NFASC: variants seen among roughly 807,000 people sequenced by gnomAD.
NFASC encodes neurofascin homolog.
In NFASC, 43 loss-of-function variants were observed where a neutral mutation model predicts 147.5. The observed-to-expected ratio is 0.29, with a 90% CI of 0.23 to 0.38. The LOEUF is 0.38. Ranked by LOEUF, NFASC falls within the 10% of genes least tolerant of loss-of-function variation. NFASC has a pLI of 1.00. For synonymous variants in NFASC, 622 were observed against 665.5 expected, an observed-to-expected ratio of 0.93 and a Z score of 1.01; for missense variants, 1,320 against 1,689.0, an observed-to-expected ratio of 0.78 and a Z score of 3.83.
At chr1:204,877,516 G>C (rs529432877) in intron 1 of NFASC, among the ~76,000 whole-genome samples, 4 of 152,248 alleles carry the variant, frequency 2.6e-5, no homozygotes, top group African/African-American at 9.6e-5. Flanking sequence ...AGGAAACTCT[G>C]ATAGTAGTTA....
intron 12 of NFASC, among the ~76,000 whole-genome samples, chr1:204,973,969 G>T (rs929341742): frequency 2.6e-5 from 4 of 152,192 alleles, no homozygotes; most frequent in Non-Finnish European, 4.4e-5. Flanking sequence ...GGATTTGGAT[G>T]TAGGGTAGGT....
intron 23 of NFASC, chr1:204,989,094 G>A: frequency 2.1e-6 from 1 of 469,086 alleles, no homozygotes. Flanking sequence ...GAGGAATAAG[G>A]AAGAGAGCAT....
intron 2 of NFASC, among the ~76,000 whole-genome samples, chr1:204,929,071 T>C (rs1413957872): frequency 1.3e-5 from 2 of 152,132 alleles, no homozygotes; most frequent in African/African-American, 4.8e-5. Flanking sequence ...ACAGCTGTTT[T>C]TCAGCCAAAT....
At chr1:204,897,923 A>G (rs893136140) in intron 1 of NFASC, among the ~76,000 whole-genome samples, 1 of 152,148 alleles carries the variant, frequency 6.6e-6, no homozygotes, top group Non-Finnish European at 1.5e-5. Flanking sequence ...TTTTTCAAAG[A>G]GACAGGGTTT....
chr1:204,863,184 A>G (rs2076810215), intron 1 of NFASC, among the ~76,000 whole-genome samples: 1 of 152,216 alleles, frequency 6.6e-6, no homozygotes, highest in Non-Finnish European at 1.5e-5. Flanking sequence ...TGACAGGGTC[A>G]GCGGAATTTC....
At position 204,952,034 on chromosome 1, in the gene NFASC, A is replaced by G. The variant is rs138945016; in HGVS notation, c.133A>G (p.Lys45Glu). 3 of 1,614,080 alleles carry G rather than the reference A, an allele frequency of 1.9e-6. No individual in the cohort carries two copies. The highest frequency in any genetic ancestry group is 2.5e-6 in the Non-Finnish European group (3 of 1,180,012). The change falls in exon 5 of 30, where the codon AAG (lysine) becomes GAG (glutamate). Residue 45 changes from lysine (K) to glutamate (E), a missense_variant. By Grantham distance (56) the Lys-to-Glu change is moderately conservative. Transcript: ENST00000339876. ...AGTGACGCAGCCGCCAACCATCACC[A>G]AGCAGTCAGCGAAGGATCACATCGT... Reference protein sequence around the residue: ...NELTQPPTITKQSAKDHIVDP... With the variant: ...NELTQPPTITEQSAKDHIVDP...
chr1:204,967,167 T>G (rs999184221), intron 8 of NFASC, among the ~76,000 whole-genome samples: 2 of 152,164 alleles, frequency 1.3e-5, no homozygotes, highest in Admixed American at 1.3e-4. Flanking sequence ...ATTAAACCCA[T>G]GGGTGGGCTC....
At chr1:205,000,185 T>C (rs1172121173) in intron 25 of NFASC, 1 of 152,226 alleles carries the variant, frequency 6.6e-6, no homozygotes, top group Non-Finnish European at 1.5e-5. Context: ...AGGATTCTTC[T>C]GGTGTCTGGA....
chr1:204,869,971 A>C (rs2077454007), intron 1 of NFASC, among the ~76,000 whole-genome samples: 1 of 152,208 alleles, frequency 6.6e-6, no homozygotes, highest in Non-Finnish European at 1.5e-5. Context: ...TATGCAATGA[A>C]GGGTATAAAC....
chr1:204,906,735 T>G (rs1409070566), intron 1 of NFASC, among the ~76,000 whole-genome samples: 5 of 151,612 alleles, frequency 3.3e-5, no homozygotes. Context: ...CAGGCTGGAG[T>G]GCAGTGGCGC....
At chr1:204,991,507 C>T (rs2095735497) in intron 24 of NFASC, among the ~76,000 whole-genome samples, 1 of 152,210 alleles carries the variant, frequency 6.6e-6, no homozygotes, top group South Asian at 2.1e-4. Context: ...ACTTTCCCCC[C>T]TTCCCAAACT....
chr1:204,972,739 T>A (rs138506773), intron 11 of NFASC, among the ~76,000 whole-genome samples: 1 of 152,360 alleles, frequency 6.6e-6, no homozygotes, highest in East Asian at 1.9e-4. Flanking sequence ...AGGTTCTGTC[T>A]ATTGTATACT....
intron 1 of NFASC, among the ~76,000 whole-genome samples, chr1:204,838,073 C>T (rs576296437): frequency 1.2e-4 from 19 of 152,140 alleles, no homozygotes; most frequent in Non-Finnish European, 2.4e-4. Flanking sequence ...CCCAGAACAC[C>T]GTACTCATTA....
intron 20 of NFASC, 45 bp downstream of exon 20, chr1:204,980,485 A>C (rs1018934419): frequency 7.0e-7 from 1 of 1,424,838 alleles, no homozygotes; most frequent in Non-Finnish European, 9.8e-7. Flanking sequence ...ACCTTGCCGC[A>C]TGCACCGGGA....
In NFASC at chr1:204,968,453, A is replaced by G. The variant is rs2095074977; in HGVS notation, c.818+93A>G. 1 of 908,810 alleles carries G rather than the reference A, an allele frequency of 1.1e-6. No individual in the cohort carries two copies. The highest frequency in any genetic ancestry group is 1.8e-6 in the Non-Finnish European group (1 of 562,850). The allele number at this position is 908,810 out of a possible 1,614,324, so 56.3% of individuals were successfully genotyped here. A position where few individuals can be genotyped will look rare whatever the true frequency, so the allele number is the denominator to read the frequency against. On this transcript the variant is annotated intron_variant, in intron 9 of 29. Coordinates refer to ENST00000339876, the MANE Select transcript of NFASC (RefSeq NM_001005388.3). The surrounding 1 kb of genome is among the most constrained non-coding windows in gnomAD (Gnocchi z 5.4). ...CTCTTGTTAATGCCACATTTAGTGC[A>G]TACCAGTAGCACAGCAAAAAGAGAA...
chr1:205,007,103 A>G (rs1351266397), intron 27 of NFASC, among the ~76,000 whole-genome samples: 4 of 150,994 alleles, frequency 2.6e-5, no homozygotes, highest in East Asian at 1.9e-4. Flanking sequence ...CGTACCAATT[A>G]AGAGGGCAGC....
At chr1:204,939,039 TGTGTG>T (rs1045872050) in intron 2 of NFASC, among the ~76,000 whole-genome samples, 3 of 16,372 alleles carry the variant, frequency 1.8e-4, no homozygotes, top group African/African-American at 1.0e-3. Flanking sequence ...TATGGATGGA[TGTGTG>T]TGTGTGTGTG....
At chr1:204,899,664 G>A (rs1425060851) in intron 1 of NFASC, among the ~76,000 whole-genome samples, 1 of 152,220 alleles carries the variant, frequency 6.6e-6, no homozygotes, top group Non-Finnish European at 1.5e-5. Context: ...AAGAAAGAAA[G>A]AGAACTTGAG....
chr1:204,924,690 G>A (rs1303111767), intron 2 of NFASC, among the ~76,000 whole-genome samples: 1 of 152,182 alleles, frequency 6.6e-6, no homozygotes, highest in African/African-American at 2.4e-5. Context: ...CCATCTGTTG[G>A]CTCTAAGAGT....
Sources: gnomAD v4.1 joint callset for allele counts (sites outside exome capture counted in the v4.1 genomes callset) on GRCh38, gnomAD v4.1.1 for gene constraint, Gnocchi (gnomAD v3.1) non-coding constraint, MANE v1.5 for transcripts, NCBI Gene and HGNC (gene_info 2026-07-23, HGNC 2026-07-21) for gene names.